SLC9A9: variants seen among roughly 807,000 people sequenced by gnomAD.
SLC9A9 encodes the protein sodium/hydrogen exchanger 9.
Under a neutral mutation model 77.8 loss-of-function variants are expected in SLC9A9, and 62 were observed. The ratio of observed to expected loss-of-function variants is 0.80; its 90% CI spans 0.65 to 0.98. The LOEUF is 0.98. SLC9A9 is among the 50% of genes least tolerant of loss of function. SLC9A9 has a pLI of 0.00. For synonymous variants in SLC9A9, 320 were observed against 283.5 expected, an observed-to-expected ratio of 1.13 and a Z score of -1.29; for missense variants, 775 against 774.9, an observed-to-expected ratio of 1.00 and a Z score of 0.00.
At chr3:143,665,509 C>CA (rs1441604344) in intron 5 of SLC9A9, among the ~76,000 whole-genome samples, 4 of 151,884 alleles carry the variant, frequency 2.6e-5, no homozygotes, top group East Asian at 1.9e-4. Flanking sequence ...GATAGAGACA[C>CA]AAAAAACCCT....
chr3:143,729,503 G>A (rs373704472), intron 4 of SLC9A9, among the ~76,000 whole-genome samples: 2 of 152,298 alleles, frequency 1.3e-5, no homozygotes, highest in South Asian at 2.1e-4. Context: ...ACTGGGCCAG[G>A]CCTCCATGAT....
At chr3:143,716,614 A>C (rs1441979550) in intron 4 of SLC9A9, among the ~76,000 whole-genome samples, 11 of 152,186 alleles carry the variant, frequency 7.2e-5, no homozygotes, top group African/African-American at 2.7e-4. Flanking sequence ...CAGAAAAAGC[A>C]CACTATGGAA....
At chr3:143,739,113 AC>A (rs1935018092) in intron 4 of SLC9A9, among the ~76,000 whole-genome samples, 1 of 151,722 alleles carries the variant, frequency 6.6e-6, no homozygotes, top group African/African-American at 2.4e-5. Flanking sequence ...GAAAGTTCCA[AC>A]CCTCTAATCA....
chr3:143,762,955 A>T (rs1246770996), intron 4 of SLC9A9, among the ~76,000 whole-genome samples: 3 of 152,194 alleles, frequency 2.0e-5, no homozygotes, highest in Non-Finnish European at 4.4e-5. Context: ...AATGCCAGGC[A>T]TTGGGAGGGG....
chr3:143,709,617 CA>C (rs1934087478), intron 4 of SLC9A9, among the ~76,000 whole-genome samples: 1 of 152,170 alleles, frequency 6.6e-6, no homozygotes, highest in Non-Finnish European at 1.5e-5. Flanking sequence ...GCAATTAATA[CA>C]GGTCCACAGA....
At chr3:143,844,639 A>T (rs1266292793) in intron 1 of SLC9A9, among the ~76,000 whole-genome samples, 1 of 152,202 alleles carries the variant, frequency 6.6e-6, no homozygotes, top group Non-Finnish European at 1.5e-5. Context: ...TAGCACGGAG[A>T]TGACTGTTAC....
intron 5 of SLC9A9, among the ~76,000 whole-genome samples, chr3:143,685,128 A>T (rs1046589407): frequency 6.6e-6 from 1 of 152,124 alleles, no homozygotes; most frequent in Non-Finnish European, 1.5e-5. Flanking sequence ...AGTCTTCTTA[A>T]AAAGGTAAAA....
intron 14 of SLC9A9, among the ~76,000 whole-genome samples, chr3:143,321,951 C>G (rs867993805): frequency 6.6e-6 from 1 of 152,152 alleles, no homozygotes; most frequent in Non-Finnish European, 1.5e-5. Flanking sequence ...GTTAGGAACC[C>G]TTGTTCTACC....
chr3:143,326,832 G>C (rs982145365), intron 14 of SLC9A9, among the ~76,000 whole-genome samples: 10 of 152,176 alleles, frequency 6.6e-5, no homozygotes, highest in African/African-American at 2.4e-4. Flanking sequence ...ACAGTGCCTG[G>C]CACTTAGTAG....
rs1262096223 is a variant in SLC9A9 at position 143,796,847 on chromosome 3, A to G, written c.435T>C (p.His145=). 14 of 1,610,936 alleles carry G rather than the reference A, an allele frequency of 8.7e-6. No homozygotes were observed. The highest frequency in any genetic ancestry group is 1.2e-5 in the Non-Finnish European group (14 of 1,177,698). Residue 145 remains histidine (H), a synonymous_variant, in exon 3 of 16, where the codon CAT becomes CAC. Transcript: ENST00000316549. ...FNVLLPPIIF[H]AGYSLKKRHF... ...TTACCTTCTTTAGACTATATCCTGC[A>G]TGAAATATAATTGGTGGCAGTAAAA...
intron 4 of SLC9A9, among the ~76,000 whole-genome samples, chr3:143,724,921 T>G (rs954315210): frequency 6.6e-6 from 1 of 152,050 alleles, no homozygotes; most frequent in Non-Finnish European, 1.5e-5. Context: ...AAAATCCTCA[T>G]GATACAGCCA....
chr3:143,471,391 G>T (rs1198405686), intron 11 of SLC9A9, among the ~76,000 whole-genome samples: 1 of 152,138 alleles, frequency 6.6e-6, no homozygotes, highest in African/African-American at 2.4e-5. Flanking sequence ...CTATGTGGAG[G>T]CTCTGGACAT....
At chr3:143,666,919 C>G (rs912870284) in intron 5 of SLC9A9, among the ~76,000 whole-genome samples, 1 of 152,054 alleles carries the variant, frequency 6.6e-6, no homozygotes, top group Non-Finnish European at 1.5e-5. Context: ...AGGTAATTTA[C>G]AGATTCAATG....
intron 12 of SLC9A9, among the ~76,000 whole-genome samples, chr3:143,407,558 T>C (rs760185213): frequency 7.9e-5 from 12 of 152,250 alleles, no homozygotes; most frequent in Non-Finnish European, 1.3e-4. Context: ...ATTTTTATGA[T>C]GTTTTGTGCA....
intron 4 of SLC9A9, among the ~76,000 whole-genome samples, chr3:143,768,181 C>G (rs573479422): frequency 1.4e-4 from 21 of 152,222 alleles, no homozygotes; most frequent in African/African-American, 5.1e-4. Flanking sequence ...ATATCAGGGG[C>G]TCCTCACTCT....
chr3:143,380,307 T>A (rs2033273866), intron 13 of SLC9A9, among the ~76,000 whole-genome samples: 1 of 152,230 alleles, frequency 6.6e-6, no homozygotes, highest in Non-Finnish European at 1.5e-5. Flanking sequence ...GGAAAGGATT[T>A]AGGCTAGTAG....
intron 6 of SLC9A9, among the ~76,000 whole-genome samples, chr3:143,636,396 C>A (rs1302844816): frequency 6.6e-6 from 1 of 152,090 alleles, no homozygotes; most frequent in African/African-American, 2.4e-5. Flanking sequence ...CCATTTAAGT[C>A]TCTTGTATTT....
At chr3:143,645,623 G>T (rs1488510785) in intron 6 of SLC9A9, among the ~76,000 whole-genome samples, 2 of 152,116 alleles carry the variant, frequency 1.3e-5, no homozygotes, top group Non-Finnish European at 2.9e-5. Flanking sequence ...TTTCCCTCAA[G>T]ATACATGGGC....
chr3:143,362,550 A>T (rs1233961705), intron 14 of SLC9A9, among the ~76,000 whole-genome samples: 1 of 150,110 alleles, frequency 6.7e-6, no homozygotes, highest in East Asian at 2.0e-4. Context: ...CTTTTTCTTC[A>T]CCTATTCTTT....
Sources: gnomAD v4.1 joint callset for allele counts (sites outside exome capture counted in the v4.1 genomes callset) on GRCh38, gnomAD v4.1.1 for gene constraint, MANE v1.5 for transcripts, NCBI Gene and HGNC (gene_info 2026-07-23, HGNC 2026-07-21) for gene names.